PLEC: variants seen among roughly 807,000 people sequenced by gnomAD.
PLEC encodes the protein plectin, also known as hemidesmosomal protein 1.
A neutral mutation model predicts 392.8 loss-of-function variants in PLEC; 216 were observed. The observed-to-expected ratio is 0.55, with a 90% confidence interval of 0.49 to 0.62. The LOEUF is 0.62. Among genes scored for constraint, PLEC ranks in the 20% least tolerant of loss-of-function variants. The probability of loss-of-function intolerance (pLI) is 0.00; values close to 1 mark genes in which losing one functional copy is unlikely to be tolerated. For synonymous variants in PLEC, 3,621 were observed against 2,980.6 expected (o/e 1.21, Z -7.00); for missense variants, 6,863 against 6,563.4 (o/e 1.05, Z -1.58).
chr8:143,968,076 T>C (rs766432071), intron 1 of PLEC, among the ~76,000 whole-genome samples: 28 of 149,860 alleles, frequency 1.9e-4, no homozygotes, highest in Non-Finnish European at 3.7e-4. Context: ...TGCAATGAGC[T>C]GAGATCATGC....
At chr8:143,937,703 T>C in intron 3 of PLEC, 1 of 488,234 alleles carries the variant, frequency 2.0e-6, no homozygotes, top group Non-Finnish European at 4.0e-6. Context: ...CTCCACGGTC[T>C]TGGGGAGCTC....
chr8:143,932,353 G>A (rs782606187), intron 16 of PLEC, 47 bp downstream of exon 16: 1 of 1,611,006 alleles, frequency 6.2e-7, no homozygotes, highest in Admixed American at 1.7e-5. Context: ...CCAGGGCACA[G>A]CTGGGGAGGG....
chr8:143,959,437 G>A (rs1308673260), intron 1 of PLEC, among the ~76,000 whole-genome samples: 1 of 152,266 alleles, frequency 6.6e-6, no homozygotes, highest in Non-Finnish European at 1.5e-5. Context: ...GCTCCAGGAT[G>A]GCTCCAGGAC....
chr8:143,927,392 C>G lies in PLEC; in HGVS notation c.3756+18G>C. 6.2e-6 allele frequency: 10 copies of G among 1,608,106 alleles called. No homozygotes were observed. In the South Asian group the frequency reaches 9.9e-5, roughly 16 times the overall value. On this transcript the variant is annotated intron_variant, in intron 27 of 31. Transcript: ENST00000345136. ...CAGGGCACGCCCAGCCGCCCCGTCC[C>G]CACCGACCCAAGCCCACCTGCTCCT...
rs781796486 is a variant in PLEC, at chr8:143,922,570, A to G, written c.7359T>C (p.Ala2453=). Residue 2453 remains alanine, a synonymous_variant, in exon 31 of 32, where the codon GCT becomes GCC. Transcript: ENST00000345136. ...HDAERLREAI[A]ELEREKEKLQ... Reference sequence around the variant, plus strand: ...GCTTCTCCTTCTCACGCTCCAGCTCAGCGATGGCCTCCCGCAGGCGCTCGG... The same window carrying G: ...GCTTCTCCTTCTCACGCTCCAGCTCGGCGATGGCCTCCCGCAGGCGCTCGG... 6.2e-7 allele frequency: 1 copy of G among 1,613,488 alleles called. No individual in the cohort carries two copies. Among genetic ancestry groups the G allele is most frequent in the Admixed American group, 1.7e-5 (1 of 60,012 alleles).
intron 18 of PLEC, 24 bp downstream of exon 18, chr8:143,931,913 T>C: frequency 2.5e-6 from 4 of 1,584,272 alleles, no homozygotes; most frequent in Non-Finnish European, 3.4e-6. Context: ...TGAGCCACAG[T>C]GCGGAGGGGG....
At position 143,969,801 on chromosome 8, in the gene PLEC, G is replaced by C. The variant is rs1286429137; in HGVS notation, c.70+3602C>G. 6.6e-6 allele frequency among the ~76,000 whole-genome samples: 1 copy of C among 152,036 alleles called. No individual in the cohort carries two copies. The highest frequency in any genetic ancestry group is 1.5e-5 in the Non-Finnish European group (1 of 67,996). ...ATGTTAGGGATGGGAGTGGGGCTTAGGGGTGCTGTGAGGTGGTCCTGGAGA... is the reference window on the plus strand; with the variant it reads ...ATGTTAGGGATGGGAGTGGGGCTTACGGGTGCTGTGAGGTGGTCCTGGAGA... On this transcript the variant is annotated intron_variant, in intron 1 of 31. Transcript: ENST00000356346. This position sits in a 1 kb window ranked among gnomAD's most constrained non-coding sequence, Gnocchi z 5.1.
In PLEC at chr8:143,936,034, G is replaced by C. The variant is rs1554723084; in HGVS notation, c.436-20C>G. 1.9e-6 allele frequency: 3 copies of C among 1,609,658 alleles called. No homozygotes were observed. The African/African-American group carries it at 4.0e-5, about 21-fold the overall frequency. On this transcript the variant is annotated intron_variant, in intron 5 of 31. Transcript: ENST00000345136. ...TGAGATCTGCTCACAGCAGAGAGGA[G>C]GCCACAGCTCAGCCACAGCCACCAG...
chr8:143,919,663 C>T lies in PLEC; in HGVS notation c.10158G>A (p.Ala3386=), dbSNP rs373820763. 1,004 of 1,594,230 alleles carry T rather than the reference C, an allele frequency of 6.3e-4. No individual in the cohort carries two copies. Among genetic ancestry groups the T allele is most frequent in the Admixed American group, 8.3e-4 (49 of 58,748 alleles). ...RRGLLRATTA[A]LLLEAQAATG... ...TGGCCGCCTGCGCCTCCAGCAGGAG[C>T]GCAGCCGTTGTGGCTCTCAGCAGGC... is the stretch of plus-strand genomic sequence containing the variant. Residue 3386 remains alanine (A), a synonymous_variant, in exon 32 of 32, where the codon GCG becomes GCA. Transcript: ENST00000345136.
intron 1 of PLEC, among the ~76,000 whole-genome samples, chr8:143,948,144 G>A (rs1286860482): frequency 6.6e-6 from 1 of 152,244 alleles, no homozygotes; most frequent in Non-Finnish European, 1.5e-5. Context: ...CCCACCCAGG[G>A]ACAAGCAGAC....
chr8:143,971,822 A>C (rs1833445765), intron 1 of PLEC, among the ~76,000 whole-genome samples: 1 of 144,628 alleles, frequency 6.9e-6, no homozygotes. Flanking sequence ...CTCCACCACC[A>C]AGCCCAGAAG....
intron 1 of PLEC, among the ~76,000 whole-genome samples, chr8:143,949,706 C>T (rs1003888230): frequency 5.9e-5 from 9 of 152,314 alleles, no homozygotes; most frequent in Non-Finnish European, 8.8e-5. Flanking sequence ...CCGGTCACAC[C>T]GGGCACTCTG....
In PLEC at chr8:143,916,582, C is replaced by T; in HGVS notation, c.13239G>A (p.Gln4413=). ...PGRVPLDEAL[Q]RGTVDARTAQ... Reference sequence around the variant, plus strand: ...CGGTGCGGGCGTCCACCGTGCCGCGCTGCAGGGCCTCGTCCAGGGGCACGC... The same window carrying T: ...CGGTGCGGGCGTCCACCGTGCCGCGTTGCAGGGCCTCGTCCAGGGGCACGC... The change falls in exon 32 of 32, where the codon CAG becomes CAA. Residue 4413 remains glutamine, a synonymous_variant. Transcript: ENST00000345136. 1.2e-6 allele frequency: 2 copies of T among 1,611,462 alleles called. No individual in the cohort carries two copies. Among genetic ancestry groups the T allele is most frequent in the Non-Finnish European group, 1.7e-6 (2 of 1,179,552 alleles).
chr8:143,926,413 G>C (rs1347521407), intron 30 of PLEC, among the ~76,000 whole-genome samples: 1 of 152,206 alleles, frequency 6.6e-6, no homozygotes, highest in East Asian at 1.9e-4. Flanking sequence ...TGCCTTGGAA[G>C]ACCCTCCCTA....
At chr8:143,929,061 C>G (rs1826221501) in intron 25 of PLEC, 42 bp downstream of exon 25, 6 of 1,536,586 alleles carry the variant, frequency 3.9e-6, no homozygotes, top group Non-Finnish European at 5.3e-6. Context: ...CCAGCACCCC[C>G]CAGCCGACCC....
rs782747673 is a variant in PLEC at position 143,920,509 on chromosome 8, C to T, written c.9312G>A (p.Gly3104=). 3 of 1,610,854 alleles carry T rather than the reference C, an allele frequency of 1.9e-6. No homozygotes were observed. The highest frequency in any genetic ancestry group is 3.3e-5 in the Admixed American group (2 of 59,972). Residue 3104 remains glycine (G), a synonymous_variant, in exon 32 of 32, where the codon GGG becomes GGA. Transcript: ENST00000345136. ...TCTGCCCTGTGTAGGGGTCCCTGTA[C>T]CCTGTCACAGCCTTCTCGGCTGATA... ...KLLSAEKAVT[G]YRDPYTGQSV...
At chr8:143,926,116 C>A (rs1825083199) in intron 30 of PLEC, among the ~76,000 whole-genome samples, 2 of 152,256 alleles carry the variant, frequency 1.3e-5, no homozygotes, top group African/African-American at 4.8e-5. Context: ...CAGGCGTCCT[C>A]CCTGCTTCCC....
chr8:143,948,482 C>T (rs565530645), intron 1 of PLEC, among the ~76,000 whole-genome samples: 1 of 152,296 alleles, frequency 6.6e-6, no homozygotes, highest in South Asian at 2.1e-4. Context: ...CACCCCACAT[C>T]CGAGCCGCCT....
intron 24 of PLEC, 66 bp downstream of exon 24, chr8:143,929,348 A>G (rs2131703337): frequency 1.3e-6 from 2 of 1,578,900 alleles, no homozygotes; most frequent in East Asian, 2.3e-5. Flanking sequence ...TTGAAGGCCA[A>G]AGGAGGGAGG....
Sources: gnomAD v4.1 joint callset for allele counts (sites outside exome capture counted in the v4.1 genomes callset) on GRCh38, gnomAD v4.1.1 for gene constraint, Gnocchi (gnomAD v3.1) non-coding constraint, MANE v1.5 for transcripts, NCBI Gene and HGNC (gene_info 2026-07-23, HGNC 2026-07-21) for gene names.